PCSK1: variants seen among roughly 807,000 people sequenced by gnomAD.
PCSK1 encodes the protein proprotein convertase subtilisin/kexin type 1, also known as neuroendocrine convertase 1.
In PCSK1, 56 loss-of-function variants were observed where a neutral mutation model predicts 90.6. That is an observed-to-expected ratio of 0.62 (90% CI 0.50 to 0.77). The LOEUF (loss-of-function observed/expected upper bound fraction) is 0.77. Ranked by LOEUF, PCSK1 falls within the 30% of genes least tolerant of loss-of-function variation. The pLI is 0.00. For synonymous variants in PCSK1, 348 were observed against 342.4 expected, an observed-to-expected ratio of 1.02 and a Z score of -0.18; for missense variants, 801 against 932.6, an observed-to-expected ratio of 0.86 and a Z score of 1.84.
chr5:96,416,047 T>C lies in PCSK1; in HGVS notation c.695A>G (p.Asn232Ser). ...NHKCGVGVAY[N>S]SKVGGIRMLD... The stretch of plus-strand genomic sequence containing the variant: ...CTCTGTTTTACCTCCAACTTTGGAA[T>C]TGTATGCAACTCCAACCCCGCATTT... Residue 232 changes from asparagine to serine, a missense_variant, in exon 6 of 14, where the codon AAT (asparagine) becomes AGT (serine). Asn to Ser is a conservative substitution (Grantham distance 46). Transcript: ENST00000311106. 4.3e-6 allele frequency: 7 copies of C among 1,609,622 alleles called. No homozygotes were observed. The highest frequency in any genetic ancestry group is 6.0e-6 in the Non-Finnish European group (7 of 1,175,898).
intron 13 of PCSK1, among the ~76,000 whole-genome samples, chr5:96,393,599 C>T (rs777176812): frequency 1.3e-5 from 2 of 152,146 alleles, no homozygotes; most frequent in Non-Finnish European, 2.9e-5. Context: ...CTCAACTTCA[C>T]CTGTCAGGTG....
chr5:96,432,246 T>C, intron 1 of PCSK1: 1 of 861,964 alleles, frequency 1.2e-6, no homozygotes, highest in South Asian at 1.7e-5. Context: ...TGGTCCCGTG[T>C]CTTTCACCCA....
At chr5:96,402,056 C>G (rs976019084) in intron 9 of PCSK1, among the ~76,000 whole-genome samples, 5 of 152,210 alleles carry the variant, frequency 3.3e-5, no homozygotes, top group Non-Finnish European at 5.9e-5. Context: ...GTTCCTGTCT[C>G]AGCACTCGGT....
Position 96,417,533 on chromosome 5 carries a change from C to G in PCSK1, c.621-1412G>C, listed in dbSNP as rs117044354. On this transcript the variant is annotated intron_variant, in intron 5 of 13. Coordinates refer to ENST00000311106, the MANE Select transcript of PCSK1 (RefSeq NM_000439.5). ...TCTTGAGAATTATGAGCTTTAAGTT[C>G]CATGTGAGTCATATGGGTCTTGCTC... Among the ~76,000 whole-genome samples the G allele has an allele frequency of 3.2e-4, 48 of 151,960 alleles. 1 individual carries two copies. The East Asian group carries it at 7.0e-3, about 22-fold the overall frequency.
intron 6 of PCSK1, among the ~76,000 whole-genome samples, chr5:96,413,601 A>G (rs546080750): frequency 4.0e-5 from 6 of 151,240 alleles, no homozygotes; most frequent in African/African-American, 1.2e-4. Flanking sequence ...GGAGTTCAAG[A>G]CCAGCCTGGC....
At chr5:96,430,787 A>C (rs1761466742) in intron 1 of PCSK1, among the ~76,000 whole-genome samples, 1 of 152,326 alleles carries the variant, frequency 6.6e-6, no homozygotes, top group African/African-American at 2.4e-5. Flanking sequence ...GAAAGATAGT[A>C]TTGTAAATCA....
intron 9 of PCSK1, among the ~76,000 whole-genome samples, chr5:96,406,759 G>T (rs1760583434): frequency 6.6e-6 from 1 of 152,230 alleles, no homozygotes; most frequent in Non-Finnish European, 1.5e-5. Context: ...TCTCTCTAGA[G>T]AATATGTAAT....
Position 96,429,622 on chromosome 5 carries a change from A to G in PCSK1, c.181-305T>C, listed in dbSNP as rs6869570. Among the ~76,000 whole-genome samples, 42,347 of 151,862 alleles carry G rather than the reference A, an allele frequency of 0.28. 6,111 individuals are homozygous for G. The highest frequency in any genetic ancestry group is 0.34 in the African/African-American group (13,902 of 41,408). On this transcript the variant is annotated intron_variant, in intron 1 of 13. Coordinates refer to ENST00000311106, the MANE Select transcript of PCSK1 (RefSeq NM_000439.5). Reference sequence around the variant, plus strand: ...CTCTTCTCCCACCCTCCACCCTCCAAAAGGCCCCAGTATATGTTGTTCCCC... The same window carrying G: ...CTCTTCTCCCACCCTCCACCCTCCAGAAGGCCCCAGTATATGTTGTTCCCC...
intron 3 of PCSK1, among the ~76,000 whole-genome samples, chr5:96,424,242 T>G (rs571115909): frequency 6.6e-6 from 1 of 152,258 alleles, no homozygotes; most frequent in South Asian, 2.1e-4. Context: ...GCTGCCCTCT[T>G]GCTTTTGTGC....
intron 7 of PCSK1, among the ~76,000 whole-genome samples, chr5:96,411,206 G>A (rs1347586765): frequency 1.3e-5 from 2 of 152,300 alleles, no homozygotes; most frequent in Non-Finnish European, 2.9e-5. Flanking sequence ...GGGCCCTCCT[G>A]GGGTAGGGCT....
At chr5:96,396,934 T>C in intron 12 of PCSK1, among the ~76,000 whole-genome samples, 1 of 152,248 alleles carries the variant, frequency 6.6e-6, no homozygotes, top group Non-Finnish European at 1.5e-5. Context: ...TGCAGAATAA[T>C]CATAAGCATG....
chr5:96,429,391 T>G, intron 1 of PCSK1, 74 bp from the exon 2 acceptor site: 3 of 824,008 alleles, frequency 3.6e-6, no homozygotes, highest in Non-Finnish European at 6.2e-6. Context: ...AAAACTCAGC[T>G]AACTTAGAGA....
chr5:96,400,319 G>A, intron 9 of PCSK1, 133 bp from the exon 10 acceptor site: 1 of 700,006 alleles, frequency 1.4e-6, no homozygotes, highest in South Asian at 1.6e-5. Context: ...TTATTCTAGT[G>A]TCTATTACTG....
chr5:96,431,506 T>C (rs1047238347), intron 1 of PCSK1, among the ~76,000 whole-genome samples: 3 of 152,182 alleles, frequency 2.0e-5, no homozygotes, highest in African/African-American at 4.8e-5. Flanking sequence ...CTCCTCTAGA[T>C]TCTTGATTAC....
chr5:96,397,589 G>A, intron 11 of PCSK1, 120 bp from the exon 12 acceptor site: 2 of 900,834 alleles, frequency 2.2e-6, no homozygotes, highest in Non-Finnish European at 3.6e-6. Context: ...TTCTCTTTTA[G>A]TATAAGACCA....
At chr5:96,426,200 A>G (rs1367067178) in intron 2 of PCSK1, among the ~76,000 whole-genome samples, 1 of 152,180 alleles carries the variant, frequency 6.6e-6, no homozygotes, top group Non-Finnish European at 1.5e-5. Flanking sequence ...TTGTGGTTAC[A>G]GTGGAAGCAA....
intron 1 of PCSK1, 75 bp from the exon 2 acceptor site, chr5:96,429,392 AACTT>A (rs1476929098): frequency 2.4e-6 from 2 of 816,948 alleles, no homozygotes; most frequent in Non-Finnish European, 2.1e-6. Context: ...AAACTCAGCT[AACTT>A]AGAGATAGGC....
At chr5:96,418,758 G>C (rs573922824) in intron 5 of PCSK1, among the ~76,000 whole-genome samples, 6 of 152,150 alleles carry the variant, frequency 3.9e-5, no homozygotes, top group Non-Finnish European at 8.8e-5. Context: ...TATACCTTCT[G>C]ATAAATGATA....
chr5:96,432,969 G>A lies in PCSK1; in HGVS notation c.74C>T (p.Ala25Val). The change falls in exon 1 of 14, where the codon GCA becomes GTA. Residue 25 changes from alanine to valine, a missense_variant. Transcript: ENST00000311106. ...LFCAWCALNSAKAKRQFVNEW... is the reference protein window; with the variant it reads ...LFCAWCALNSVKAKRQFVNEW... Reference sequence around the variant, plus strand: ...ATTGACAAATTGCCTTTTCGCTTTTGCACTGTTCAGTGCACACCAAGCGCA... The same window carrying A: ...ATTGACAAATTGCCTTTTCGCTTTTACACTGTTCAGTGCACACCAAGCGCA... 1 of 1,614,216 alleles carries A rather than the reference G, an allele frequency of 6.2e-7. No individual in the cohort carries two copies. The highest frequency in any genetic ancestry group is 8.5e-7 in the Non-Finnish European group (1 of 1,180,014).
Sources: gnomAD v4.1 joint callset for allele counts (sites outside exome capture counted in the v4.1 genomes callset) on GRCh38, gnomAD v4.1.1 for gene constraint, MANE v1.5 for transcripts, NCBI Gene and HGNC (gene_info 2026-07-23, HGNC 2026-07-21) for gene names.